The following SLK variants were observed in gnomAD, a reference collection of about 807,000 sequenced individuals.
SLK encodes STE20 like kinase, also known as STE20-like serine/threonine-protein kinase.
A neutral mutation model predicts 147.7 loss-of-function variants in SLK; 67 were observed. The ratio of observed to expected loss-of-function variants is 0.45; its 90% CI spans 0.37 to 0.56. The LOEUF is 0.56. Ranked by LOEUF, SLK falls within the 20% of genes least tolerant of loss-of-function variation. The pLI, the probability that SLK is intolerant of heterozygous loss-of-function variation, is 0.00. For synonymous variants in SLK, 441 were observed against 475.0 expected (o/e 0.93, Z 0.93); for missense variants, 1,136 against 1,438.8 (o/e 0.79, Z 3.41).
At chr10:104,018,395 G>A (rs1340717718) in intron 14 of SLK, 106 bp downstream of exon 14, 2 of 1,014,676 alleles carry the variant, frequency 2.0e-6, no homozygotes, top group African/African-American at 3.4e-5. Context: ...CCCTGATGAT[G>A]CTGGAAATAT....
rs770041250 is a variant in SLK, at chr10:104,003,543, T to A, written c.2349+16T>A. 6.6e-7 allele frequency: 1 copy of A among 1,518,110 alleles called. No individual in the cohort carries two copies. Among genetic ancestry groups the A allele is most frequent in the Non-Finnish European group, 8.8e-7 (1 of 1,135,602 alleles). 94.0% of individuals were successfully genotyped at this position (1,518,110 alleles called of 1,614,324 possible). A position where few individuals can be genotyped will look rare whatever the true frequency, so the allele number is the denominator to read the frequency against. On this transcript the variant is annotated intron_variant, in intron 9 of 18. Coordinates refer to ENST00000369755, the MANE Select transcript of SLK (RefSeq NM_014720.4). The stretch of plus-strand genomic sequence containing the variant: ...ATCTTTACAAGTAAGTGTACATGAG[T>A]CATTGTTTGGGTTTTCCTTTGCCAT...
intron 12 of SLK, among the ~76,000 whole-genome samples, chr10:104,008,920 A>AT (rs1844364394): frequency 6.6e-6 from 1 of 152,318 alleles, no homozygotes; most frequent in South Asian, 2.1e-4. Flanking sequence ...CATGCTATCT[A>AT]TAACTCATCA....
intron 18 of SLK, among the ~76,000 whole-genome samples, chr10:104,023,377 C>T (rs1443473991): frequency 6.6e-6 from 1 of 152,212 alleles, no homozygotes; most frequent in Non-Finnish European, 1.5e-5. Flanking sequence ...ATTGTAAAGT[C>T]ATACAGGTGT....
chr10:104,009,269 CAG>C (rs1438063729), intron 12 of SLK, among the ~76,000 whole-genome samples: 1 of 152,100 alleles, frequency 6.6e-6, no homozygotes, highest in African/African-American at 2.4e-5. Context: ...TTGGAACAAA[CAG>C]AAACCTCAGC....
In SLK at chr10:104,006,122, G is replaced by A. The variant is rs563882454; in HGVS notation, c.2604+87G>A. On this transcript the variant is annotated intron_variant, in intron 11 of 18. Transcript: ENST00000369755. ...TAAAAACAGACAAACAAAAAAGGTT[G>A]TAGAACTTGTTCTCTGATTGCCAGA... 6 of 1,348,074 alleles carry A rather than the reference G, an allele frequency of 4.5e-6. No individual in the cohort carries two copies. In the East Asian group the frequency reaches 1.5e-4, roughly 33 times the overall value. The allele number at this position is 1,348,074 out of a possible 1,614,324, so 83.5% of individuals were successfully genotyped here. A position where few individuals can be genotyped will look rare whatever the true frequency, so the allele number is the denominator to read the frequency against.
At chr10:103,996,669 A>G (rs1228472593) in intron 4 of SLK, among the ~76,000 whole-genome samples, 3 of 152,096 alleles carry the variant, frequency 2.0e-5, no homozygotes, top group Non-Finnish European at 4.4e-5. Flanking sequence ...AAGTGCTGGG[A>G]TTGGTGTGAG....
At chr10:104,018,943 C>G in intron 15 of SLK, 35 bp downstream of exon 15, 2 of 1,533,872 alleles carry the variant, frequency 1.3e-6, no homozygotes, top group Non-Finnish European at 1.8e-6. Flanking sequence ...TTTTTTTGTT[C>G]GTTTTAAAGT....
At chr10:104,003,659 C>CTATG (rs1301862035) in intron 9 of SLK, 132 bp downstream of exon 9, 1 of 769,660 alleles carries the variant, frequency 1.3e-6, no homozygotes, top group Non-Finnish European at 2.0e-6. Flanking sequence ...TTCTTACAGC[C>CTATG]TATGAAAGCA....
intron 1 of SLK, 98 bp downstream of exon 1, chr10:103,967,993 C>T (rs1327348379): frequency 7.4e-6 from 9 of 1,218,742 alleles, no homozygotes; most frequent in African/African-American, 6.0e-5. Context: ...TTATCCTGTC[C>T]TTCTTTTGAC....
intron 2 of SLK, among the ~76,000 whole-genome samples, chr10:103,991,929 C>T (rs892818986): frequency 2.6e-5 from 4 of 151,566 alleles, no homozygotes; most frequent in Non-Finnish European, 4.4e-5. Context: ...GACTATTGCA[C>T]AATAAAAATT....
intron 1 of SLK, among the ~76,000 whole-genome samples, chr10:103,984,115 C>A (rs1843982600): frequency 1.3e-5 from 2 of 152,038 alleles, no homozygotes; most frequent in African/African-American, 4.8e-5. Flanking sequence ...CTGTCTGGAC[C>A]CTAACTGATA....
chr10:103,993,396 A>G (rs1014135841), intron 4 of SLK, among the ~76,000 whole-genome samples: 2 of 152,188 alleles, frequency 1.3e-5, no homozygotes, highest in Non-Finnish European at 2.9e-5. Context: ...TTAAAGACCA[A>G]TTTCAAGTTT....
intron 9 of SLK, 96 bp from the exon 10 acceptor site, chr10:104,005,465 G>A: frequency 8.7e-7 from 1 of 1,148,524 alleles, no homozygotes; most frequent in Non-Finnish European, 1.2e-6. Context: ...CAGTTGTTTT[G>A]TTTTAAAAAA....
chr10:104,018,138 G>T, intron 13 of SLK, 22 bp from the exon 14 acceptor site: 1 of 1,570,148 alleles, frequency 6.4e-7, no homozygotes, highest in South Asian at 1.2e-5. Flanking sequence ...CTTATTAACT[G>T]ACAATTAACT....
At chr10:103,999,794 A>G in intron 6 of SLK, 73 bp from the exon 7 acceptor site, 1 of 637,454 alleles carries the variant, frequency 1.6e-6, no homozygotes, top group Non-Finnish European at 2.8e-6. Flanking sequence ...CTTAAGCATA[A>G]CTTATCAAAG....
At position 103,995,430 on chromosome 10, in the gene SLK, T is replaced by TC. The variant is rs1438655686; in HGVS notation, c.514+2297_514+2298insC. Among the ~76,000 whole-genome samples, 11 of 144,708 alleles carry TC rather than the reference T, an allele frequency of 7.6e-5. No individual in the cohort carries two copies. The East Asian group carries it at 2.0e-3, about 26-fold the overall frequency. 94.9% of individuals were successfully genotyped at this position (144,708 alleles called of 152,430 possible). A position where few individuals can be genotyped will look rare whatever the true frequency, so the allele number is the denominator to read the frequency against. On this transcript the variant is annotated intron_variant, in intron 4 of 18. Coordinates refer to ENST00000369755, the MANE Select transcript of SLK (RefSeq NM_014720.4). ...TTTTCTTTTCTTTCTTTTCTTTTTT[T>TC]TTTTTTTTTTTTTTTGAGTCAAAGT...
intron 1 of SLK, among the ~76,000 whole-genome samples, chr10:103,985,258 G>T (rs1843997793): frequency 6.6e-6 from 1 of 152,160 alleles, no homozygotes; most frequent in Admixed American, 6.6e-5. Flanking sequence ...GGGGTCTTGG[G>T]ATGTATTCCC....
In SLK at chr10:103,999,935, C is replaced by A; in HGVS notation, c.851C>A (p.Ser284Tyr). The A allele has an allele frequency of 6.6e-7, 1 of 1,524,572 alleles. No individual in the cohort carries two copies. The allele number at this position is 1,524,572 out of a possible 1,614,324, so 94.4% of individuals were successfully genotyped here. A position where few individuals can be genotyped will look rare whatever the true frequency, so the allele number is the denominator to read the frequency against. ...EKNVDARWTT[S>Y]QLLQHPFVTV... ...AATGTGGATGCCAGGTGGACTACAT[C>A]TCAGCTGCTGCAGGTAAGAGAGTAT... Residue 284 changes from serine (S) to tyrosine (Y), a missense_variant, in exon 7 of 19, where the codon TCT (serine) becomes TAT (tyrosine). Transcript: ENST00000369755.
intron 7 of SLK, 81 bp downstream of exon 7, chr10:104,000,029 C>A: frequency 3.1e-6 from 2 of 637,256 alleles, no homozygotes; most frequent in Non-Finnish European, 5.3e-6. Flanking sequence ...TGCTTTCTTT[C>A]CACTTAAATT....
Sources: gnomAD v4.1 joint callset for allele counts (sites outside exome capture counted in the v4.1 genomes callset) on GRCh38, gnomAD v4.1.1 for gene constraint, MANE v1.5 for transcripts, NCBI Gene and HGNC (gene_info 2026-07-23, HGNC 2026-07-21) for gene names.